CRISP2: variants seen among roughly 807,000 people sequenced by gnomAD.
CRISP2 encodes cysteine rich secretory protein 2.
A neutral mutation model predicts 31.7 loss-of-function variants in CRISP2; 29 were observed. The observed-to-expected ratio is 0.92, with a 90% CI of 0.68 to 1.25. The LOEUF is 1.25. Among genes scored for constraint, CRISP2 ranks in the 50% most tolerant of loss-of-function variants. The pLI is 0.00. For synonymous variants in CRISP2, 111 were observed against 101.4 expected, an observed-to-expected ratio of 1.09 and a Z score of -0.57; for missense variants, 318 against 286.5, an observed-to-expected ratio of 1.11 and a Z score of -0.79.
At chr6:49,701,976 A>AC (rs1561878047) in intron 4 of CRISP2, among the ~76,000 whole-genome samples, 1 of 11,630 alleles carries the variant, frequency 8.6e-5, no homozygotes, top group African/African-American at 4.3e-4. Context: ...CATAATATAT[A>AC]ATATATATAA....
chr6:49,687,473 C>T (rs1403642322), downstream of CRISP2, among the ~76,000 whole-genome samples: 2 of 152,178 alleles, frequency 1.3e-5, no homozygotes, highest in East Asian at 3.9e-4. Flanking sequence ...GGAAGCATCA[C>T]ATTGAGCTTC....
chr6:49,690,858 C>T (rs1764027681), downstream of CRISP2, among the ~76,000 whole-genome samples: 1 of 151,722 alleles, frequency 6.6e-6, no homozygotes, highest in South Asian at 2.1e-4. Flanking sequence ...ACAAAACATA[C>T]ATTACACTAA....
rs1166847064 is a variant in CRISP2, at chr6:49,692,872, T to G, written c.633A>C (p.Leu211=). 2 of 1,613,722 alleles carry G rather than the reference T, an allele frequency of 1.2e-6. No homozygotes were observed. Among genetic ancestry groups the G allele is most frequent in the East Asian group, 4.5e-5 (2 of 44,852 alleles). Residue 211 remains leucine, a synonymous_variant, in exon 10 of 10, where the codon CTA becomes CTC. Transcript: ENST00000339139. ...CTNSCQYQDL[L]SNCDSLKNTA... Reference sequence around the variant, plus strand: ...TATTCTTCAAGGAATCACAGTTACTTAGGAGATCTTGATACTGGCAACTAT... The same window carrying G: ...TATTCTTCAAGGAATCACAGTTACTGAGGAGATCTTGATACTGGCAACTAT...
At chr6:49,681,214 T>A in the CRISP2 span, among the ~76,000 whole-genome samples, 1 of 152,238 alleles carries the variant, frequency 6.6e-6, no homozygotes, top group Non-Finnish European at 1.5e-5. Context: ...CTACATGTGG[T>A]TAGTCAGTTA....
chr6:49,693,509 G>A (rs1764242148), intron 9 of CRISP2, among the ~76,000 whole-genome samples: 1 of 151,990 alleles, frequency 6.6e-6, no homozygotes, highest in East Asian at 1.9e-4. Context: ...TCCTTTTGAT[G>A]TTTCTACTTG....
chr6:49,698,391 GA>G lies in CRISP2; in HGVS notation c.387del (p.Asn131MetfsTer18), dbSNP rs1448991150. On this transcript the variant is annotated frameshift_variant, in exon 7 of 10. Coordinates refer to ENST00000339139, the MANE Select transcript of CRISP2 (RefSeq NM_003296.4). LOFTEE classifies it high-confidence loss of function. ...GTATAATGTCCAACAACTGCATTGGGACTCTTTGGTCCTACACCATAGACAA... is the reference window on the plus strand; with the variant it reads ...GTATAATGTCCAACAACTGCATTGGGCTCTTTGGTCCTACACCATAGACAA... Reference protein sequence around the residue: ...LDFVYGVGPKSPNAVVGHYTQ... With the variant: ...LDFVYGVGPKXPNAVVGHYTQ... The G allele has an allele frequency of 2.5e-6, 4 of 1,613,258 alleles. No individual in the cohort carries two copies. The highest frequency in any genetic ancestry group is 1.7e-5 in the Admixed American group (1 of 59,872).
At chr6:49,694,732 A>AT (rs1377725664) in intron 9 of CRISP2, among the ~76,000 whole-genome samples, 1 of 128,938 alleles carries the variant, frequency 7.8e-6, no homozygotes, top group Admixed American at 9.5e-5. Context: ...GTATTCAACT[A>AT]TTTTTTTCTT....
rs1765165110 is a variant in CRISP2 at position 49,698,637 on chromosome 6, AG to A, written c.272-131del. The stretch of plus-strand genomic sequence containing the variant: ...ATGCTAACTGTTGATTAATACATAA[AG>A]GAGTGCCTCAGTTCCTTATCAGCTA... On this transcript the variant is annotated intron_variant, in intron 6 of 9. Coordinates refer to ENST00000339139, the MANE Select transcript of CRISP2 (RefSeq NM_003296.4). 4.4e-6 allele frequency: 4 copies of A among 900,130 alleles called. No individual in the cohort carries two copies. The Admixed American group carries it at 1.0e-4, about 23-fold the overall frequency. The allele number at this position is 900,130 out of a possible 1,614,324, so 55.8% of individuals were successfully genotyped here.
chr6:49,684,889 C>T, the CRISP2 span, among the ~76,000 whole-genome samples: 2 of 152,266 alleles, frequency 1.3e-5, no homozygotes, highest in South Asian at 4.2e-4. Context: ...TACTGGGTAT[C>T]CTTTGGCTCA....
At chr6:49,698,031 T>G in intron 7 of CRISP2, 74 bp from the exon 8 acceptor site, 1 of 1,208,666 alleles carries the variant, frequency 8.3e-7, no homozygotes, top group Non-Finnish European at 1.2e-6. Flanking sequence ...AAGTAGCAAA[T>G]ATAAAACTGA....
the CRISP2 span, among the ~76,000 whole-genome samples, chr6:49,680,197 T>A: frequency 6.6e-6 from 1 of 152,178 alleles, no homozygotes; most frequent in African/African-American, 2.4e-5. Flanking sequence ...TTCCCCTGTA[T>A]GTGTCCATGA....
chr6:49,708,539 C>T (rs138248133), intron 4 of CRISP2, among the ~76,000 whole-genome samples: 7 of 152,080 alleles, frequency 4.6e-5, no homozygotes, highest in Non-Finnish European at 7.3e-5. Flanking sequence ...AGTGATGCAG[C>T]CACAAGCCAA....
At chr6:49,687,705 A>C (rs2127377746), downstream of CRISP2, among the ~76,000 whole-genome samples, 1 of 152,320 alleles carries the variant, frequency 6.6e-6, no homozygotes, top group South Asian at 2.1e-4. Context: ...AGGTTCAGAC[A>C]TGAGACTGTT....
chr6:49,681,928 A>G, the CRISP2 span, among the ~76,000 whole-genome samples: 1 of 152,022 alleles, frequency 6.6e-6, no homozygotes, highest in Non-Finnish European at 1.5e-5. Flanking sequence ...TCTCATGATC[A>G]CCTTGAAATG....
chr6:49,706,310 A>G (rs1251283486), intron 4 of CRISP2, among the ~76,000 whole-genome samples: 3 of 152,322 alleles, frequency 2.0e-5, no homozygotes, highest in Middle Eastern at 3.4e-3. Context: ...ATTCAGTACT[A>G]TAGTGAAACC....
chr6:49,680,655 C>G, the CRISP2 span, among the ~76,000 whole-genome samples: 1 of 152,140 alleles, frequency 6.6e-6, no homozygotes, highest in African/African-American at 2.4e-5. Context: ...ACAACCTTGC[C>G]AACATCTGTT....
At chr6:49,693,297 T>A (rs1290430796) in intron 9 of CRISP2, among the ~76,000 whole-genome samples, 1 of 152,194 alleles carries the variant, frequency 6.6e-6, no homozygotes, top group Non-Finnish European at 1.5e-5. Flanking sequence ...CAGAGGTATT[T>A]AAATTAAAAT....
At chr6:49,703,090 T>C (rs571229867) in intron 4 of CRISP2, among the ~76,000 whole-genome samples, 72 of 152,206 alleles carry the variant, frequency 4.7e-4, no homozygotes, top group African/African-American at 1.6e-3. Context: ...TTTCCCACTT[T>C]ATGTTTTTGT....
chr6:49,701,225 C>G (rs535767576), intron 4 of CRISP2, among the ~76,000 whole-genome samples: 2 of 151,968 alleles, frequency 1.3e-5, no homozygotes, highest in African/African-American at 4.8e-5. Flanking sequence ...GCACCCATCA[C>G]CCCAGCAGTG....
Sources: allele counts gnomAD v4.1 joint callset (sites outside exome capture counted in the v4.1 genomes callset), GRCh38; gene constraint gnomAD v4.1.1; transcripts MANE v1.5; gene names NCBI Gene and HGNC (gene_info 2026-07-23, HGNC 2026-07-21).